Variants in CMSS1 observed in about 807,000 individuals in gnomAD.
CMSS1 encodes cms1 ribosomal small subunit homolog.
Under a neutral mutation model 43.5 loss-of-function variants are expected in CMSS1, and 33 were observed. The observed-to-expected ratio is 0.76, with a 90% CI of 0.57 to 1.01. The LOEUF is 1.01. CMSS1 is among the 50% of genes least tolerant of loss of function. The pLI, the probability that CMSS1 is intolerant of heterozygous loss-of-function variation, is 0.00. For synonymous variants in CMSS1, 115 were observed against 117.2 expected, an observed-to-expected ratio of 0.98 and a Z score of 0.12; for missense variants, 313 against 326.4, an observed-to-expected ratio of 0.96 and a Z score of 0.32.
intron 1 of CMSS1, chr3:99,849,312 T>C (rs752311581): frequency 2.5e-6 from 4 of 1,614,194 alleles, no homozygotes; most frequent in Non-Finnish European, 2.5e-6. Flanking sequence ...CGGAAATTCT[T>C]CTTCCATTGA....
At chr3:99,848,123 A>G in intron 1 of CMSS1, 1 of 1,472,640 alleles carries the variant, frequency 6.8e-7, no homozygotes, top group Non-Finnish European at 9.0e-7. Flanking sequence ...CTATGCAGGC[A>G]ACAGTTAGTT....
chr3:99,902,281 A>G (rs867868893), intron 1 of CMSS1, among the ~76,000 whole-genome samples: 41 of 152,212 alleles, frequency 2.7e-4, no homozygotes, highest in African/African-American at 9.2e-4. Flanking sequence ...GGTTACTCAT[A>G]ACAGTTTCTA....
chr3:100,017,758 CTAAAAA>C lies in CMSS1; in HGVS notation c.65-129211_65-129206del, dbSNP rs576836775. ...GAGGCAACAAAGTGAGACACTGTCT[CTAAAAA>C]TAATACAAAAAAAAGAAACACTGGT... On this transcript the variant is annotated intron_variant, in intron 1 of 9. Coordinates refer to ENST00000421999, the MANE Select transcript of CMSS1 (RefSeq NM_032359.4). 2.8e-4 allele frequency among the ~76,000 whole-genome samples: 42 copies of C among 152,018 alleles called. No individual in the cohort carries two copies. The South Asian group carries it at 6.9e-3, about 25-fold the overall frequency.
chr3:99,985,377 G>C (rs1462402366), intron 1 of CMSS1, among the ~76,000 whole-genome samples: 1 of 151,920 alleles, frequency 6.6e-6, no homozygotes, highest in Non-Finnish European at 1.5e-5. Flanking sequence ...ACAACAAATA[G>C]AAAAATTAGC....
intron 1 of CMSS1, among the ~76,000 whole-genome samples, chr3:100,117,827 A>ATGTATGTATG (rs1242035301): frequency 3.3e-4 from 27 of 81,990 alleles, no homozygotes; most frequent in African/African-American, 1.5e-3. Context: ...AAACTGCAGT[A>ATGTATGTATG]TATATATATA....
In CMSS1 at chr3:100,167,692, C is replaced by G. The variant is rs1403205697; in HGVS notation, c.416-46C>G. 3.2e-6 allele frequency: 4 copies of G among 1,269,688 alleles called. No individual in the cohort carries two copies. The African/African-American group carries it at 5.9e-5, about 19-fold the overall frequency. 78.7% of individuals were successfully genotyped at this position (1,269,688 alleles called of 1,614,324 possible). A position where few individuals can be genotyped will look rare whatever the true frequency, so the allele number is the denominator to read the frequency against. On this transcript the variant is annotated intron_variant, in intron 5 of 9. Coordinates refer to ENST00000421999, the MANE Select transcript of CMSS1 (RefSeq NM_032359.4). ...AAATGCTCAACTTGGGAGGTGTGCC[C>G]TGTTTTGCCATATTTCAAATAATTG...
chr3:100,102,795 G>A (rs2066331909), intron 1 of CMSS1, among the ~76,000 whole-genome samples: 1 of 152,164 alleles, frequency 6.6e-6, no homozygotes, highest in South Asian at 2.1e-4. Context: ...CTTTTTCTGA[G>A]ATCAGTGACT....
chr3:100,070,920 C>T (rs932632570), intron 1 of CMSS1, among the ~76,000 whole-genome samples: 7 of 152,246 alleles, frequency 4.6e-5, no homozygotes, highest in Middle Eastern at 3.4e-3. Context: ...CATGAGTCAC[C>T]GCGCCTGGCC....
At chr3:99,968,540 A>T (rs1209958948) in intron 1 of CMSS1, among the ~76,000 whole-genome samples, 1 of 152,156 alleles carries the variant, frequency 6.6e-6, no homozygotes, top group Non-Finnish European at 1.5e-5. Context: ...GGAAATACAG[A>T]TTTGGAAGTC....
intron 1 of CMSS1, among the ~76,000 whole-genome samples, chr3:99,943,119 T>C (rs4928230): frequency 0.49 from 74,997 of 151,968 alleles, 18,918 homozygotes; most frequent in East Asian, 0.69. Context: ...AGCCTGTTTC[T>C]TTAAAGGCGA....
chr3:100,065,289 G>A (rs1485422667), intron 1 of CMSS1, among the ~76,000 whole-genome samples: 1 of 152,066 alleles, frequency 6.6e-6, no homozygotes, highest in African/African-American at 2.4e-5. Flanking sequence ...GCTTTTTCCT[G>A]CTATAGTTTG....
intron 1 of CMSS1, among the ~76,000 whole-genome samples, chr3:100,124,899 C>CA (rs2066651358): frequency 1.7e-5 from 2 of 121,110 alleles, no homozygotes; most frequent in East Asian, 4.5e-4. Context: ...ACTCTCAGAT[C>CA]CCCGTTTTCA....
intron 1 of CMSS1, among the ~76,000 whole-genome samples, chr3:99,914,444 C>T (rs1706888422): frequency 6.6e-6 from 1 of 151,166 alleles, no homozygotes; most frequent in Admixed American, 6.6e-5. Flanking sequence ...ATTTTTTTTT[C>T]CAGAAGTAAC....
chr3:99,963,295 T>C (rs1360369720), intron 1 of CMSS1, among the ~76,000 whole-genome samples: 16 of 152,226 alleles, frequency 1.1e-4, no homozygotes, highest in Admixed American at 1.0e-3. Flanking sequence ...ATGTGGTGGA[T>C]ATATGCAGGT....
intron 1 of CMSS1, among the ~76,000 whole-genome samples, chr3:99,907,825 C>T (rs1462314562): frequency 6.6e-6 from 1 of 152,214 alleles, no homozygotes. Context: ...TCAAGCCATT[C>T]CTGATCCCCT....
intron 6 of CMSS1, among the ~76,000 whole-genome samples, 153 bp downstream of exon 6, chr3:100,167,993 A>T (rs2067078939): frequency 6.6e-6 from 1 of 152,230 alleles, no homozygotes; most frequent in African/African-American, 2.4e-5. Flanking sequence ...GACAGATAAT[A>T]AACAAATGAA....
At chr3:99,972,499 T>C (rs1176863623) in intron 1 of CMSS1, among the ~76,000 whole-genome samples, 3 of 152,216 alleles carry the variant, frequency 2.0e-5, no homozygotes, top group Non-Finnish European at 4.4e-5. Context: ...ATTATAATAA[T>C]AACAGATTGG....
chr3:99,968,288 A>G (rs114861059), intron 1 of CMSS1, among the ~76,000 whole-genome samples: 1 of 152,146 alleles, frequency 6.6e-6, no homozygotes, highest in Non-Finnish European at 1.5e-5. Context: ...CAAACTACAG[A>G]AAGTTTGGTC....
chr3:100,092,922 T>C (rs2066137945), intron 1 of CMSS1, among the ~76,000 whole-genome samples: 1 of 152,008 alleles, frequency 6.6e-6, no homozygotes, highest in East Asian at 1.9e-4. Context: ...AGTTTAGCTA[T>C]CTATAAATAT....
Sources: allele counts gnomAD v4.1 joint callset (sites outside exome capture counted in the v4.1 genomes callset), GRCh38; gene constraint gnomAD v4.1.1; transcripts MANE v1.5; gene names NCBI Gene and HGNC (gene_info 2026-07-23, HGNC 2026-07-21).